Variants in BCS1L observed in about 807,000 individuals in gnomAD.
The protein encoded by BCS1L is mitochondrial chaperone BCS1.
BCS1L carries 38 observed loss-of-function variants against 49.3 expected under a neutral mutation model. The observed-to-expected ratio is 0.77, with a 90% confidence interval of 0.59 to 1.01. The LOEUF (loss-of-function observed/expected upper bound fraction) is 1.01. Among genes scored for constraint, BCS1L ranks in the 50% least tolerant of loss-of-function variants. The pLI is 0.00. For synonymous variants in BCS1L, 193 were observed against 210.1 expected (o/e 0.92, Z 0.70); for missense variants, 394 against 540.2 (o/e 0.73, Z 2.68).
intron 7 of BCS1L, 40 bp from the exon 8 acceptor site, chr2:218,663,094 T>G (rs777411117): frequency 8.1e-6 from 13 of 1,614,028 alleles, no homozygotes; most frequent in Middle Eastern, 1.6e-4. Context: ...GCCATCTCTG[T>G]TGGGTGCTAG....
chr2:218,660,848 C>A, intron 1 of BCS1L, 91 bp from the exon 2 acceptor site: 1 of 892,336 alleles, frequency 1.1e-6, no homozygotes, highest in Non-Finnish European at 1.8e-6. Context: ...AGGGTATTGA[C>A]CCACACAGTA....
chr2:218,663,217 TGTTCCAGAG>T lies in BCS1L; in HGVS notation c.1096_1104del (p.Gln366_Phe368del), dbSNP rs1446294168. The T allele has an allele frequency of 6.2e-7, 1 of 1,614,098 alleles. No individual in the cohort carries two copies. ...TGCTCACACTGGCAGCTGACCCAGA[TGTTCCAGAG>T]GTTCTATCCAGGGCAGGCACCTTCC... On this transcript the variant is annotated inframe_deletion, in exon 8 of 8. Coordinates refer to ENST00000359273, the MANE Select transcript of BCS1L (RefSeq NM_001079866.2).
chr2:218,660,646 G>A, intron 1 of BCS1L: 1 of 282,154 alleles, frequency 3.5e-6, no homozygotes. Flanking sequence ...TGGTCCCAGG[G>A]ACCACAAAAA....
At chr2:218,658,970 T>C (rs1938959879), upstream of BCS1L, 1 of 152,324 alleles carries the variant, frequency 6.6e-6, no homozygotes, top group South Asian at 2.1e-4. Context: ...TGCCTCTGGC[T>C]CTGACTCACC....
In BCS1L at chr2:218,659,697, G is replaced by T. The variant is rs1231589217; in HGVS notation, c.-96G>T. On this transcript the variant is annotated 5_prime_UTR_variant, in exon 1 of 8. Transcript: ENST00000359273. The surrounding 1 kb of genome is among the most constrained non-coding windows in gnomAD (Gnocchi z 4.4). ...GGGCCGAACGCAGCTTCCCCAAGGT[G>T]CAGGCGCGGTGAAACCATCGAGACG... 1 of 152,384 alleles carries T rather than the reference G, an allele frequency of 6.6e-6. No individual in the cohort carries two copies. Among genetic ancestry groups the T allele is most frequent in the African/African-American group, 2.4e-5 (1 of 41,424 alleles). The allele number at this position is 152,384 out of a possible 1,614,324, so 9.4% of individuals were successfully genotyped here. A position where few individuals can be genotyped will look rare whatever the true frequency, so the allele number is the denominator to read the frequency against.
At chr2:218,660,424 G>GCCGGATCATTAA in intron 1 of BCS1L, 1 of 156,192 alleles carries the variant, frequency 6.4e-6, no homozygotes, top group Non-Finnish European at 1.4e-5. Context: ...AGCAGGAGGT[G>GCCGGATCATTAA]AAGACCTATT....
rs1252610916 is a variant in BCS1L, at chr2:218,661,779, C to G, written c.481C>G (p.Gln161Glu). 1 of 1,609,454 alleles carries G rather than the reference C, an allele frequency of 6.2e-7. No individual in the cohort carries two copies. Among genetic ancestry groups the G allele is most frequent in the African/African-American group, 1.3e-5 (1 of 74,818 alleles). Residue 161 changes from glutamine to glutamate, a missense_variant, in exon 4 of 8, where the codon CAG (glutamine) becomes GAG (glutamate). Physicochemically the swap from Gln to Glu is conservative, Grantham distance 29. Coordinates refer to ENST00000359273, the MANE Select transcript of BCS1L (RefSeq NM_001079866.2). This position sits in a 1 kb window ranked among gnomAD's most constrained non-coding sequence, Gnocchi z 5.9. ...CCCAGCTCGAGAGCTAGCCTTGCAG[C>G]AGGAGGAAGGGAAGACCGTGATGTA... ...LEEARELALQ[Q>E]EEGKTVMYTA... is the part of the protein sequence containing the mutation.
rs767028489 is a variant in BCS1L, at chr2:218,661,743, ATCT to A, written c.461-12_461-10del. 2.0e-4 allele frequency: 314 copies of A among 1,606,434 alleles called. No individual in the cohort carries two copies. Among genetic ancestry groups the A allele is most frequent in the Non-Finnish European group, 2.2e-4 (262 of 1,174,416 alleles). ...TGAAGAGAATTATTGGCTTTATCTC[ATCT>A]TCTCCTTCCCAGCTCGAGAGCTAGC... On this transcript the variant is annotated splice_polypyrimidine_tract_variant and intron_variant, in intron 3 of 7. Transcript: ENST00000359273. This position sits in a 1 kb window ranked among gnomAD's most constrained non-coding sequence, Gnocchi z 5.9.
Position 218,662,328 on chromosome 2 carries a change from T to C in BCS1L, c.719+68T>C. 1 of 1,538,696 alleles carries C rather than the reference T, an allele frequency of 6.5e-7. No homozygotes were observed. Among genetic ancestry groups the C allele is most frequent in the Non-Finnish European group, 9.0e-7 (1 of 1,112,182 alleles). On this transcript the variant is annotated intron_variant, in intron 5 of 7. Transcript: ENST00000359273. The surrounding 1 kb of genome is among the most constrained non-coding windows in gnomAD (Gnocchi z 5.8). ...TTGTGGAAACACTAGGCTGATAGGGTTGGAAGGGGAAATGAATCTGGGGAT... is the reference window on the plus strand; with the variant it reads ...TTGTGGAAACACTAGGCTGATAGGGCTGGAAGGGGAAATGAATCTGGGGAT...
chr2:218,662,555 C>A lies in BCS1L; in HGVS notation c.765C>A (p.Ser255Arg), dbSNP rs1209901249. 5.0e-6 allele frequency: 8 copies of A among 1,614,036 alleles called. No individual in the cohort carries two copies. Among genetic ancestry groups the A allele is most frequent in the Non-Finnish European group, 6.8e-6 (8 of 1,180,048 alleles). The change falls in exon 6 of 8, where the codon AGC becomes AGA. Residue 255 changes from serine (S) to arginine (R), a missense_variant. Ser to Arg is a moderately radical substitution (Grantham distance 110). Coordinates refer to ENST00000359273, the MANE Select transcript of BCS1L (RefSeq NM_001079866.2). The surrounding 1 kb of genome is among the most constrained non-coding windows in gnomAD (Gnocchi z 5.8). ...TGGAGCACAGCATCTGCCTGCTGAG[C>A]CTCACGGACTCCAGCCTCTCTGATG... ...GELEHSICLL[S>R]LTDSSLSDDR...
chr2:218,662,566 C>T lies in BCS1L; in HGVS notation c.776C>T (p.Ser259Phe). The T allele has an allele frequency of 6.2e-7, 1 of 1,614,198 alleles. No individual in the cohort carries two copies. Among genetic ancestry groups the T allele is most frequent in the Non-Finnish European group, 8.5e-7 (1 of 1,180,032 alleles). Residue 259 changes from serine (S) to phenylalanine (F), a missense_variant, in exon 6 of 8, where the codon TCC becomes TTC. Transcript: ENST00000359273. The surrounding 1 kb of genome is among the most constrained non-coding windows in gnomAD (Gnocchi z 5.8). Reference protein sequence around the residue: ...HSICLLSLTDSSLSDDRLNHL... With the variant: ...HSICLLSLTDFSLSDDRLNHL... ...ATCTGCCTGCTGAGCCTCACGGACT[C>T]CAGCCTCTCTGATGACCGACTCAAC...
Position 218,663,311 on chromosome 2 carries a change from G to A in BCS1L, c.1185G>A (p.Gln395=), listed in dbSNP as rs370453639. 5.6e-5 allele frequency: 91 copies of A among 1,614,064 alleles called. No individual in the cohort carries two copies. The highest frequency in any genetic ancestry group is 4.3e-5 in the Non-Finnish European group (51 of 1,180,014). The change falls in exon 8 of 8, where the codon CAG becomes CAA. Residue 395 remains glutamine, a synonymous_variant. Transcript: ENST00000359273. Reference sequence around the variant, plus strand: ...CTACAAACCAGATCAGTCCTGCCCAGGTGCAGGGCTACTTCATGCTGTATA... The same window carrying A: ...CTACAAACCAGATCAGTCCTGCCCAAGTGCAGGGCTACTTCATGCTGTATA... ...LRATNQISPA[Q]VQGYFMLYKN...
chr2:218,662,403 G>T lies in BCS1L; in HGVS notation c.720-107G>T. On this transcript the variant is annotated intron_variant, in intron 5 of 7. Coordinates refer to ENST00000359273, the MANE Select transcript of BCS1L (RefSeq NM_001079866.2). This position sits in a 1 kb window ranked among gnomAD's most constrained non-coding sequence, Gnocchi z 5.8. ...GTGTGGAACATCAGGGTGTGAGGTA[G>T]AAGTCAGGCCTCTGAGACACATGTC... The T allele has an allele frequency of 6.6e-7, 1 of 1,520,410 alleles. No individual in the cohort carries two copies. Among genetic ancestry groups the T allele is most frequent in the Non-Finnish European group, 9.1e-7 (1 of 1,098,752 alleles). The allele number at this position is 1,520,410 out of a possible 1,614,324, so 94.2% of individuals were successfully genotyped here. A position where few individuals can be genotyped will look rare whatever the true frequency, so the allele number is the denominator to read the frequency against.
chr2:218,662,712 G>A lies in BCS1L; in HGVS notation c.889+33G>A. On this transcript the variant is annotated intron_variant, in intron 6 of 7. Coordinates refer to ENST00000359273, the MANE Select transcript of BCS1L (RefSeq NM_001079866.2). The surrounding 1 kb of genome is among the most constrained non-coding windows in gnomAD (Gnocchi z 5.8). ...AGGGGTTCTGGAGGAAGTGGAGTGG[G>A]TAACTGTGGAACAGGGGAAGAAAGC... 4 of 1,613,930 alleles carry A rather than the reference G, an allele frequency of 2.5e-6. No individual in the cohort carries two copies. Among genetic ancestry groups the A allele is most frequent in the Non-Finnish European group, 3.4e-6 (4 of 1,179,994 alleles).
At position 218,662,243 on chromosome 2, in the gene BCS1L, C is replaced by T. The variant is rs140405116; in HGVS notation, c.702C>T (p.Cys234=). 1.1e-4 allele frequency: 171 copies of T among 1,613,952 alleles called. No homozygotes were observed. The highest frequency in any genetic ancestry group is 1.3e-4 in the Non-Finnish European group (148 of 1,179,902). ...ACCTGCTTTATGGGCCCCCTGGTTG[C>T]GGAAAGAGCAGTTTTATGTGAGTAT... ...RGYLLYGPPG[C]GKSSFITALA... Residue 234 remains cysteine, a synonymous_variant, in exon 5 of 8, where the codon TGC becomes TGT. Transcript: ENST00000359273. The surrounding 1 kb of genome is among the most constrained non-coding windows in gnomAD (Gnocchi z 5.8).
In BCS1L at chr2:218,662,579, T is replaced by A. The variant is rs538854947; in HGVS notation, c.789T>A (p.Asp263Glu). ...GCCTCACGGACTCCAGCCTCTCTGA[T>A]GACCGACTCAACCACCTGCTGAGCG... ...LLSLTDSSLS[D>E]DRLNHLLSVA... Residue 263 changes from aspartate to glutamate, a missense_variant, in exon 6 of 8, where the codon GAT (aspartate) becomes GAA (glutamate). By Grantham distance (45) the Asp-to-Glu change is conservative (BLOSUM62 2). Coordinates refer to ENST00000359273, the MANE Select transcript of BCS1L (RefSeq NM_001079866.2). This position sits in a 1 kb window ranked among gnomAD's most constrained non-coding sequence, Gnocchi z 5.8. 6.2e-7 allele frequency: 1 copy of A among 1,614,218 alleles called. No individual in the cohort carries two copies. Among genetic ancestry groups the A allele is most frequent in the South Asian group, 1.1e-5 (1 of 91,080 alleles).
At chr2:218,663,078 C>G (rs926239823) in intron 7 of BCS1L, 56 bp from the exon 8 acceptor site, 9 of 1,613,896 alleles carry the variant, frequency 5.6e-6, no homozygotes, top group South Asian at 5.5e-5. Flanking sequence ...AACAGGAGGT[C>G]GAGGGGCCAT....
At position 218,662,047 on chromosome 2, in the gene BCS1L, G is replaced by A; in HGVS notation, c.655+94G>A. 1 of 1,501,574 alleles carries A rather than the reference G, an allele frequency of 6.7e-7. No individual in the cohort carries two copies. The highest frequency in any genetic ancestry group is 9.3e-7 in the Non-Finnish European group (1 of 1,080,940). 93.0% of individuals were successfully genotyped at this position (1,501,574 alleles called of 1,614,324 possible). ...CCAGATGGGGTGATATAAAGCTCTA[G>A]TCCAATTCCCAGAGATTAAGAGGAA... is the stretch of plus-strand genomic sequence containing the variant. On this transcript the variant is annotated intron_variant, in intron 4 of 7. Coordinates refer to ENST00000359273, the MANE Select transcript of BCS1L (RefSeq NM_001079866.2). This position sits in a 1 kb window ranked among gnomAD's most constrained non-coding sequence, Gnocchi z 5.8.
At position 218,661,205 on chromosome 2, in the gene BCS1L, G is replaced by A. The variant is rs758643336; in HGVS notation, c.218G>A (p.Arg73His). 1.4e-5 allele frequency: 22 copies of A among 1,614,078 alleles called. No individual in the cohort carries two copies. The highest frequency in any genetic ancestry group is 1.6e-4 in the Middle Eastern group (1 of 6,084). Reference protein sequence around the residue: ...LLSWLTRHSTRTQHLSVETSY... With the variant: ...LLSWLTRHSTHTQHLSVETSY... ...AGCTGGCTCACCCGCCACAGTACCC[G>A]TACTCAGCACCTCAGTGTCGAGACT... is the stretch of plus-strand genomic sequence containing the variant. Residue 73 changes from arginine (R) to histidine (H), a missense_variant, in exon 2 of 8, where the codon CGT (arginine) becomes CAT (histidine). Coordinates refer to ENST00000359273, the MANE Select transcript of BCS1L (RefSeq NM_001079866.2). The surrounding 1 kb of genome is among the most constrained non-coding windows in gnomAD (Gnocchi z 5.9).
Sources: allele counts gnomAD v4.1 joint callset, GRCh38; gene constraint gnomAD v4.1.1; non-coding constraint Gnocchi (gnomAD v3.1); transcripts MANE v1.5; gene names NCBI Gene and HGNC (gene_info 2026-07-23, HGNC 2026-07-21).